UPF2: variants seen among roughly 807,000 people sequenced by gnomAD.
The protein encoded by UPF2 is regulator of nonsense transcripts 2.
UPF2 carries 17 observed loss-of-function variants against 141.4 expected under a neutral mutation model. That is an observed-to-expected ratio of 0.12 (90% CI 0.08 to 0.18). The LOEUF (loss-of-function observed/expected upper bound fraction) is 0.18. UPF2 is among the 10% of genes least tolerant of loss of function. The probability of loss-of-function intolerance (pLI) is 1.00; values close to 1 mark genes in which losing one functional copy is unlikely to be tolerated. For missense variants in UPF2, 1,152 were observed against 1,515.9 expected (o/e 0.76, Z 3.99); for synonymous variants, 540 against 498.0 (o/e 1.08, Z -1.12).
At chr10:11,938,631 C>A (rs17556978) in intron 18 of UPF2, among the ~76,000 whole-genome samples, 7 of 149,316 alleles carry the variant, frequency 4.7e-5, no homozygotes, top group Admixed American at 4.1e-4. Context: ...TTTGCCATTA[C>A]CTTTCACACA....
Position 11,959,505 on chromosome 10 carries a change from A to C in UPF2, c.2185-149T>G, listed in dbSNP as rs976346057. 19 of 765,440 alleles carry C rather than the reference A, an allele frequency of 2.5e-5. No homozygotes were observed. In the Admixed American group the frequency reaches 6.4e-4, roughly 26 times the overall value. 47.4% of individuals were successfully genotyped at this position (765,440 alleles called of 1,614,324 possible). A position where few individuals can be genotyped will look rare whatever the true frequency, so the allele number is the denominator to read the frequency against. ...CTGGGCACTGTGGCTCACACCTATA[A>C]TCCCAGCACTTTGGGAGACTGAGAT... On this transcript the variant is annotated intron_variant, in intron 11 of 21. Coordinates refer to ENST00000357604, the MANE Select transcript of UPF2 (RefSeq NM_015542.4). This position sits in a 1 kb window ranked among gnomAD's most constrained non-coding sequence, Gnocchi z 5.9.
intron 4 of UPF2, among the ~76,000 whole-genome samples, chr10:12,013,513 T>A (rs1834167335): frequency 1.3e-5 from 2 of 152,050 alleles, no homozygotes; most frequent in Non-Finnish European, 2.9e-5. Context: ...GACCTTGTGA[T>A]CCTCCCGCCT....
chr10:11,967,636 G>A (rs1471955834), intron 9 of UPF2, among the ~76,000 whole-genome samples, 182 bp from the exon 10 acceptor site: 5 of 138,622 alleles, frequency 3.6e-5, no homozygotes, highest in East Asian at 4.8e-4. Flanking sequence ...TGCAACCTCC[G>A]CCTCCTGGGT....
Position 11,972,910 on chromosome 10 carries a change from G to A in UPF2, c.1954-5456C>T, listed in dbSNP as rs118057717. Among the ~76,000 whole-genome samples, 4 of 152,284 alleles carry A rather than the reference G, an allele frequency of 2.6e-5. No homozygotes were observed. The East Asian group carries it at 7.7e-4, about 29-fold the overall frequency. On this transcript the variant is annotated intron_variant, in intron 9 of 21. Transcript: ENST00000357604. ...TTGGGTATATATCCAGTAATGGGAT[G>A]GTGCGGTCAAATGGTATTTCCAGTT... is the stretch of plus-strand genomic sequence containing the variant.
chr10:11,925,218 T>C (rs753050959), intron 21 of UPF2, among the ~76,000 whole-genome samples: 1 of 152,352 alleles, frequency 6.6e-6, no homozygotes, highest in Non-Finnish European at 1.5e-5. Flanking sequence ...ATCGCACCTA[T>C]ACTTTAGGAG....
rs138737977 is a variant in UPF2, at chr10:11,992,801, T to C, written c.1844+4871A>G. Reference sequence around the variant, plus strand: ...TGATTCTGAAAGATGGAATATAAAATAAAGGGCACAGGTATACCAAATAAA... The same window carrying C: ...TGATTCTGAAAGATGGAATATAAAACAAAGGGCACAGGTATACCAAATAAA... On this transcript the variant is annotated intron_variant, in intron 8 of 21. Transcript: ENST00000357604. This position sits in a 1 kb window ranked among gnomAD's most constrained non-coding sequence, Gnocchi z 4.1. Among the ~76,000 whole-genome samples the C allele has an allele frequency of 5.2e-4, 79 of 151,978 alleles. No individual in the cohort carries two copies. In the East Asian group the frequency reaches 0.015, roughly 28 times the overall value.
At chr10:11,947,085 C>G (rs1413868972) in intron 16 of UPF2, among the ~76,000 whole-genome samples, 1 of 152,100 alleles carries the variant, frequency 6.6e-6, no homozygotes, top group African/African-American at 2.4e-5. Flanking sequence ...ACCTAAAATC[C>G]TAGCTACTTG....
chr10:11,994,975 CAAAAAAAAAAAAAAAA>C lies in UPF2; in HGVS notation c.1844+2681_1844+2696del, dbSNP rs60922532. Among the ~76,000 whole-genome samples, 33 of 51,364 alleles carry C rather than the reference CAAAAAAAAAAAAAAAA, an allele frequency of 6.4e-4. No homozygotes were observed. In the South Asian group the frequency reaches 6.9e-3, roughly 11 times the overall value. The allele number at this position is 51,364 out of a possible 152,430, so 33.7% of individuals were successfully genotyped here. A position where few individuals can be genotyped will look rare whatever the true frequency, so the allele number is the denominator to read the frequency against. The stretch of plus-strand genomic sequence containing the variant: ...TGGGCAACAGAGTGAGACTCCATCT[CAAAAAAAAAAAAAAAA>C]AAAAAAAAAAAAAGAGTGATAGTTT... On this transcript the variant is annotated intron_variant, in intron 8 of 21. Coordinates refer to ENST00000357604, the MANE Select transcript of UPF2 (RefSeq NM_015542.4).
In UPF2 at chr10:11,935,041, G is replaced by C. The variant is rs530716967; in HGVS notation, c.3546+1504C>G. Among the ~76,000 whole-genome samples, 3 of 152,074 alleles carry C rather than the reference G, an allele frequency of 2.0e-5. No homozygotes were observed. The highest frequency in any genetic ancestry group is 6.5e-5 in the Admixed American group (1 of 15,268). On this transcript the variant is annotated intron_variant, in intron 19 of 21. Transcript: ENST00000357604. The surrounding 1 kb of genome is among the most constrained non-coding windows in gnomAD (Gnocchi z 4.9). ...TTGATCTCGGTGTACATGAGAAGTT[G>C]CCTGACAAATGCAGGGATAAAATTT...
intron 11 of UPF2, among the ~76,000 whole-genome samples, chr10:11,961,706 T>C (rs565923523): frequency 6.6e-6 from 1 of 152,312 alleles, no homozygotes; most frequent in African/African-American, 2.4e-5. Context: ...GTCACATACG[T>C]AGCACCTAAA....
intron 9 of UPF2, among the ~76,000 whole-genome samples, chr10:11,967,695 G>A (rs187998670): frequency 2.0e-5 from 3 of 151,350 alleles, no homozygotes; most frequent in Admixed American, 6.6e-5. Context: ...GATTACAGGC[G>A]CCCACCACCA....
chr10:11,983,080 T>G lies in UPF2; in HGVS notation c.1845-3915A>C, dbSNP rs1276401532. Among the ~76,000 whole-genome samples, 3 of 152,216 alleles carry G rather than the reference T, an allele frequency of 2.0e-5. No individual in the cohort carries two copies. The East Asian group carries it at 5.8e-4, about 29-fold the overall frequency. ...CAGTGCCTGGAACATAGGCAGGTGC[T>G]CAATATATACATTTGTTAGATAAAT... On this transcript the variant is annotated intron_variant, in intron 8 of 21. Coordinates refer to ENST00000357604, the MANE Select transcript of UPF2 (RefSeq NM_015542.4).
intron 1 of UPF2, among the ~76,000 whole-genome samples, chr10:12,039,572 G>T (rs1325496151): frequency 6.6e-6 from 1 of 151,316 alleles, no homozygotes; most frequent in African/African-American, 2.4e-5. Flanking sequence ...AGGACCACAG[G>T]ACACTACAAA....
chr10:11,965,329 C>T (rs1833301344), intron 10 of UPF2, among the ~76,000 whole-genome samples: 1 of 152,144 alleles, frequency 6.6e-6, no homozygotes, highest in Non-Finnish European at 1.5e-5. Context: ...GCACTCAGAA[C>T]ATTTTCATAA....
chr10:11,996,248 T>C (rs748820209), intron 8 of UPF2, among the ~76,000 whole-genome samples: 12 of 152,200 alleles, frequency 7.9e-5, no homozygotes, highest in Non-Finnish European at 1.8e-4. Context: ...TACTTAATTG[T>C]ATTTATATAC....
chr10:11,952,469 CT>C (rs869201076), intron 14 of UPF2, among the ~76,000 whole-genome samples: 1,467 of 97,726 alleles, frequency 0.015, 6 homozygotes, highest in African/African-American at 0.03. Flanking sequence ...TACTAAATAT[CT>C]TTTTTTTTTT....
rs1280710399 is a variant in UPF2, at chr10:11,959,308, C to T, written c.2233G>A (p.Val745Ile). The change falls in exon 12 of 22, where the codon GTC becomes ATC. Residue 745 changes from valine (V) to isoleucine (I), a missense_variant. Physicochemically the swap from Val to Ile is conservative, Grantham distance 29. Coordinates refer to ENST00000357604, the MANE Select transcript of UPF2 (RefSeq NM_015542.4). This position sits in a 1 kb window ranked among gnomAD's most constrained non-coding sequence, Gnocchi z 5.9. ...TAATATGCATTCTCTACCATTGTGA[C>T]GTATCTCGCATCAAGATGCATTGCT... ...KQAMHLDARYVTMVENAYYYC... is the reference protein window; with the variant it reads ...KQAMHLDARYITMVENAYYYC... 10 of 1,598,230 alleles carry T rather than the reference C, an allele frequency of 6.3e-6. No homozygotes were observed. The highest frequency in any genetic ancestry group is 3.4e-5 in the South Asian group (3 of 88,324).
rs1259088494 is a variant in UPF2 at position 11,931,306 on chromosome 10, T to A, written c.3688+335A>T. On this transcript the variant is annotated intron_variant, in intron 20 of 21. Transcript: ENST00000357604. This position sits in a 1 kb window ranked among gnomAD's most constrained non-coding sequence, Gnocchi z 5.9. The stretch of plus-strand genomic sequence containing the variant: ...AATGATGAAATTGCCTAATGTCACA[T>A]TTTTTAGAATGCATCCCTGTCATTA... Among the ~76,000 whole-genome samples the A allele has an allele frequency of 6.6e-6, 1 of 152,204 alleles. No homozygotes were observed. Among genetic ancestry groups the A allele is most frequent in the Non-Finnish European group, 1.5e-5 (1 of 68,032 alleles).
chr10:12,024,448 A>G (rs1267971081), intron 3 of UPF2, among the ~76,000 whole-genome samples: 1 of 151,968 alleles, frequency 6.6e-6, no homozygotes, highest in Non-Finnish European at 1.5e-5. Flanking sequence ...CGTCTCTACT[A>G]AAAATACAAA....
Sources: allele counts gnomAD v4.1 joint callset (sites outside exome capture counted in the v4.1 genomes callset), GRCh38; gene constraint gnomAD v4.1.1; non-coding constraint Gnocchi (gnomAD v3.1); transcripts MANE v1.5; gene names NCBI Gene and HGNC (gene_info 2026-07-23, HGNC 2026-07-21).